DACH2: variants seen among roughly 807,000 people sequenced by gnomAD.
DACH2 encodes dachshund homolog 2.
In DACH2, 17 loss-of-function variants were observed where a neutral mutation model predicts 35.8. That is an observed-to-expected ratio of 0.48 (90% CI 0.33 to 0.71). DACH2 has a LOEUF of 0.71. Ranked by LOEUF, DACH2 falls within the 30% of genes least tolerant of loss-of-function variation. The pLI is 0.02. For missense variants in DACH2, 469 were observed against 472.7 expected, an observed-to-expected ratio of 0.99 and a Z score of 0.07; for synonymous variants, 195 against 177.3, an observed-to-expected ratio of 1.10 and a Z score of -0.79.
At chrX:86,822,278 G>A (rs957546142) in intron 11 of DACH2, among the ~76,000 whole-genome samples, 4 of 111,588 alleles carry the variant, frequency 3.6e-5, no homozygotes, top group East Asian at 2.8e-4. Flanking sequence ...GCTACCACAC[G>A]AATCTGTGGA....
chrX:86,438,390 A>AT lies in DACH2; in HGVS notation c.527+61535dup, dbSNP rs756263604. Among the ~76,000 whole-genome samples, 243 of 109,138 alleles carry AT rather than the reference A, an allele frequency of 2.2e-3. 1 individual carries two copies. Among genetic ancestry groups the AT allele is most frequent in the African/African-American group, 7.7e-3 (232 of 30,002 alleles). The allele number at this position is 109,138 out of a possible 115,157, so 94.8% of individuals were successfully genotyped here. ...AGGCCCCTGCCATCACGCCCGGCTA[A>AT]TTTTTTTGTATTTTTAGTAGAGACG... is the stretch of plus-strand genomic sequence containing the variant. On this transcript the variant is annotated intron_variant, in intron 2 of 11. Transcript: ENST00000373125.
intron 3 of DACH2, among the ~76,000 whole-genome samples, chrX:86,622,305 C>G (rs2040077985): frequency 1.8e-5 from 2 of 111,845 alleles, no homozygotes; most frequent in Admixed American, 1.9e-4. Flanking sequence ...TTTCCTAGGA[C>G]TATCACCTTA....
At chrX:86,300,239 A>G (rs1030058953) in intron 1 of DACH2, among the ~76,000 whole-genome samples, 1 of 111,891 alleles carries the variant, frequency 8.9e-6, no homozygotes, top group Non-Finnish European at 1.9e-5. Flanking sequence ...CTTTGCGAAA[A>G]AAAAAATTGC....
At chrX:86,776,957 T>A (rs2042039881) in intron 7 of DACH2, among the ~76,000 whole-genome samples, 1 of 112,121 alleles carries the variant, frequency 8.9e-6, no homozygotes, top group Admixed American at 9.5e-5. Context: ...ATGGTGTATA[T>A]GTGCCACATT....
chrX:86,761,015 C>A (rs2041874935), intron 7 of DACH2, among the ~76,000 whole-genome samples: 2 of 111,220 alleles, frequency 1.8e-5, no homozygotes, highest in African/African-American at 6.5e-5. Flanking sequence ...AATATTATTT[C>A]TTTTTGCTTT....
chrX:86,452,797 C>A (rs1319860940), intron 2 of DACH2, among the ~76,000 whole-genome samples: 1 of 109,950 alleles, frequency 9.1e-6, no homozygotes. Context: ...TTTTGAAGGG[C>A]TTTTTGTGTC....
At chrX:86,806,855 C>T (rs2042349468) in intron 7 of DACH2, among the ~76,000 whole-genome samples, 1 of 111,861 alleles carries the variant, frequency 8.9e-6, no homozygotes. Flanking sequence ...TAGGAAAGAA[C>T]AGTGCTTCCC....
chrX:86,401,758 C>T (rs1001112250), intron 2 of DACH2, among the ~76,000 whole-genome samples: 13 of 109,204 alleles, frequency 1.2e-4, no homozygotes, highest in African/African-American at 3.0e-4. Context: ...ATTAATGCCC[C>T]GATGAACATA....
chrX:86,465,094 A>G (rs1346441799), intron 2 of DACH2, among the ~76,000 whole-genome samples: 1 of 112,122 alleles, frequency 8.9e-6, no homozygotes, highest in Non-Finnish European at 1.9e-5. Context: ...AGAGACAAAT[A>G]CACAAATAGC....
chrX:86,827,576 T>C (rs2042573962), intron 11 of DACH2, among the ~76,000 whole-genome samples: 1 of 111,881 alleles, frequency 8.9e-6, no homozygotes, highest in Non-Finnish European at 1.9e-5. Context: ...TAAATGAATA[T>C]TTGATTAAGG....
intron 2 of DACH2, among the ~76,000 whole-genome samples, chrX:86,486,802 T>C (rs73631952): frequency 0.097 from 10,836 of 111,702 alleles, 1,302 homozygotes; most frequent in African/African-American, 0.34. Flanking sequence ...ATAGGGATAG[T>C]AGTACCAATT....
At chrX:86,814,257 A>G (rs1374227626) in intron 9 of DACH2, among the ~76,000 whole-genome samples, 1 of 112,377 alleles carries the variant, frequency 8.9e-6, no homozygotes, top group Non-Finnish European at 1.9e-5. Flanking sequence ...GCAACCTAAT[A>G]GATATTTTCA....
At chrX:86,372,646 A>G (rs1476027683) in intron 1 of DACH2, among the ~76,000 whole-genome samples, 1 of 110,664 alleles carries the variant, frequency 9.0e-6, no homozygotes, top group Non-Finnish European at 1.9e-5. Context: ...TCTTTTTAGT[A>G]AAAATTTCAA....
At chrX:86,748,722 T>C (rs1460459178) in intron 7 of DACH2, among the ~76,000 whole-genome samples, 1 of 111,714 alleles carries the variant, frequency 9.0e-6, no homozygotes, top group Non-Finnish European at 1.9e-5. Context: ...GAACTTAAAG[T>C]CACCAACTGC....
At chrX:86,549,271 A>C (rs2039015089) in intron 3 of DACH2, among the ~76,000 whole-genome samples, 1 of 111,458 alleles carries the variant, frequency 9.0e-6, no homozygotes. Flanking sequence ...TTTCTCTTGG[A>C]ACAGGTATCC....
intron 7 of DACH2, among the ~76,000 whole-genome samples, chrX:86,750,466 A>T (rs917755610): frequency 2.7e-5 from 3 of 111,867 alleles, no homozygotes; most frequent in African/African-American, 9.7e-5. Flanking sequence ...GAGACCTACC[A>T]TCTTACACAT....
intron 5 of DACH2, among the ~76,000 whole-genome samples, chrX:86,695,557 C>A (rs1269476821): frequency 9.4e-6 from 1 of 106,820 alleles, no homozygotes; most frequent in Non-Finnish European, 1.9e-5. Context: ...GTTGCCCAGG[C>A]TGGAGTGCAA....
At chrX:86,394,220 G>A (rs1306532449) in intron 2 of DACH2, among the ~76,000 whole-genome samples, 1 of 109,808 alleles carries the variant, frequency 9.1e-6, no homozygotes, top group South Asian at 3.9e-4. Flanking sequence ...ATTAGGGTAA[G>A]ACTCTGGCTT....
At chrX:86,831,473 G>C (rs182312421) in intron 11 of DACH2, 3 of 111,367 alleles carry the variant, frequency 2.7e-5, no homozygotes, top group Non-Finnish European at 5.7e-5. Context: ...AAATAACAAG[G>C]TTTGACAAAA....
Sources: allele counts gnomAD v4.1 joint callset (sites outside exome capture counted in the v4.1 genomes callset), GRCh38; gene constraint gnomAD v4.1.1; transcripts MANE v1.5; gene names NCBI Gene and HGNC (gene_info 2026-07-23, HGNC 2026-07-21).